The following SLC2A5 variants were observed in gnomAD, a reference collection of about 807,000 sequenced individuals.
SLC2A5 encodes the protein solute carrier family 2 member 5, also known as solute carrier family 2, facilitated glucose transporter member 5.
A neutral mutation model predicts 50.3 loss-of-function variants in SLC2A5; 56 were observed. That is an observed-to-expected ratio of 1.11 (90% CI 0.90 to 1.39). SLC2A5 has a LOEUF of 1.39. SLC2A5 is among the 40% of genes most tolerant of loss of function. The probability of loss-of-function intolerance (pLI) is 0.00; values close to 1 mark genes in which losing one functional copy is unlikely to be tolerated. For synonymous variants in SLC2A5, 269 were observed against 281.9 expected (o/e 0.95, Z 0.46); for missense variants, 566 against 650.1 (o/e 0.87, Z 1.41).
chr1:9,038,923 C>A lies in SLC2A5; in HGVS notation c.1003G>T (p.Val335Leu). The change falls in exon 9 of 12, where the codon GTG becomes TTG. Residue 335 changes from valine to leucine, a missense_variant. Transcript: ENST00000377424. ...AGCCTCCGACCCAGGAGCTCCACCA[C>A]GAACACCTACAGGAGGGTGGCAGGG... is the stretch of plus-strand genomic sequence containing the variant. Reference protein sequence around the residue: ...NVVMTFCAVFVVELLGRRLLL... With the variant: ...NVVMTFCAVFLVELLGRRLLL... 6.2e-7 allele frequency: 1 copy of A among 1,612,380 alleles called. No individual in the cohort carries two copies. The highest frequency in any genetic ancestry group is 8.5e-7 in the Non-Finnish European group (1 of 1,179,788).
chr1:9,079,770 A>AG (rs1642332744), intron 2 of SLC2A5, among the ~76,000 whole-genome samples: 1 of 152,232 alleles, frequency 6.6e-6, no homozygotes, highest in African/African-American at 2.4e-5. Flanking sequence ...TACAGGCGTG[A>AG]GCCACCACGC....
At chr1:9,090,547 T>A (rs1439119465), upstream of SLC2A5, among the ~76,000 whole-genome samples, 2 of 152,318 alleles carry the variant, frequency 1.3e-5, no homozygotes, top group East Asian at 1.9e-4. Flanking sequence ...TTGCGACAAA[T>A]CAACTCCGCT....
intron 1 of SLC2A5, among the ~76,000 whole-genome samples, chr1:9,068,634 T>C (rs985494844): frequency 2.6e-5 from 4 of 152,104 alleles, no homozygotes; most frequent in African/African-American, 9.6e-5. Context: ...GTATTTTTAG[T>C]AGAGATGGGG....
rs188276348 is a variant in SLC2A5, at chr1:9,081,998, C to G, written c.-59+3016G>C. Among the ~76,000 whole-genome samples, 279 of 152,236 alleles carry G rather than the reference C, an allele frequency of 1.8e-3. 2 individuals are homozygous for G. The highest frequency in any genetic ancestry group is 6.2e-3 in the African/African-American group (258 of 41,526). On this transcript the variant is annotated intron_variant, in intron 2 of 5. Transcript: ENST00000464985. Reference sequence around the variant, plus strand: ...TTGGGAGGCCAAGGCACGAGAATTGCTTGAACCCAGGAGGTGGAGGTTGCA... The same window carrying G: ...TTGGGAGGCCAAGGCACGAGAATTGGTTGAACCCAGGAGGTGGAGGTTGCA...
At chr1:9,041,711 G>T (rs1188912347) in intron 5 of SLC2A5, 74 bp downstream of exon 5, 2 of 1,612,802 alleles carry the variant, frequency 1.2e-6, no homozygotes, top group South Asian at 2.2e-5. Context: ...TGTGGTGGTG[G>T]CTTTGGAACA....
At position 9,068,144 on chromosome 1, in the gene SLC2A5, C is replaced by A. The variant is rs138059084; in HGVS notation, c.33+1360G>T. Among the ~76,000 whole-genome samples, 4 of 136,082 alleles carry A rather than the reference C, an allele frequency of 2.9e-5. No homozygotes were observed. In the South Asian group the frequency reaches 9.7e-4, roughly 33 times the overall value. 89.3% of individuals were successfully genotyped at this position (136,082 alleles called of 152,430 possible). A position where few individuals can be genotyped will look rare whatever the true frequency, so the allele number is the denominator to read the frequency against. ...GGTGGAGGTTGCAGTGAACCTTGAT[C>A]GCACCACTGTACTTCAGCCTGGGTG... is the stretch of plus-strand genomic sequence containing the variant. On this transcript the variant is annotated intron_variant, in intron 1 of 11. Coordinates refer to ENST00000377424, the MANE Select transcript of SLC2A5 (RefSeq NM_003039.3).
chr1:9,072,642 G>C (rs188552202), upstream of SLC2A5, among the ~76,000 whole-genome samples: 103 of 152,072 alleles, frequency 6.8e-4, no homozygotes, highest in Middle Eastern at 3.4e-3. Context: ...AAATAGGAGC[G>C]TTTCTGTTAC....
chr1:9,066,477 C>T (rs1435936791), intron 1 of SLC2A5, among the ~76,000 whole-genome samples: 9 of 152,180 alleles, frequency 5.9e-5, no homozygotes, highest in Admixed American at 3.9e-4. Context: ...TCAAGCAATC[C>T]GCTTGCCTCG....
Position 9,040,083 on chromosome 1 carries a change from G to A in SLC2A5, c.678C>T (p.Asp226=). Reference sequence around the variant, plus strand: ...CGTTACCTTTCTTGGCGGCCGCTTCGTCTTTCTTCTGAATCAGCAGGTACC... The same window carrying A: ...CGTTACCTTTCTTGGCGGCCGCTTCATCTTTCTTCTGAATCAGCAGGTACC... ...SPRYLLIQKK[D]EAAAKKALQT... Residue 226 remains aspartate (D), a synonymous_variant, in exon 6 of 12, where the codon GAC becomes GAT. Coordinates refer to ENST00000377424, the MANE Select transcript of SLC2A5 (RefSeq NM_003039.3). The surrounding 1 kb of genome is among the most constrained non-coding windows in gnomAD (Gnocchi z 4.3). 1.3e-6 allele frequency: 2 copies of A among 1,593,956 alleles called. No homozygotes were observed. The highest frequency in any genetic ancestry group is 1.7e-6 in the Non-Finnish European group (2 of 1,169,506).
chr1:9,055,589 C>A (rs1363405075), intron 3 of SLC2A5, among the ~76,000 whole-genome samples: 1 of 151,978 alleles, frequency 6.6e-6, no homozygotes. Context: ...GTGCCTGGCA[C>A]ATAGGAACTC....
intron 3 of SLC2A5, among the ~76,000 whole-genome samples, chr1:9,055,384 GCAT>G (rs1372030432): frequency 2.0e-5 from 3 of 152,028 alleles, no homozygotes; most frequent in Non-Finnish European, 4.4e-5. Flanking sequence ...GGGTGTGGTG[GCAT>G]GCGCCTGTAA....
chr1:9,083,448 A>G (rs183119526), intron 2 of SLC2A5, among the ~76,000 whole-genome samples: 17 of 152,354 alleles, frequency 1.1e-4, no homozygotes, highest in African/African-American at 4.1e-4. Flanking sequence ...ATGTGGGCCA[A>G]GCTGGCTAAG....
At chr1:9,047,461 G>A in intron 4 of SLC2A5, 149 bp downstream of exon 4, 1 of 709,454 alleles carries the variant, frequency 1.4e-6, no homozygotes, top group Non-Finnish European at 2.3e-6. Flanking sequence ...TGAGAACCAG[G>A]TAGGGCTCAA....
chr1:9,064,565 C>G (rs911761641), intron 1 of SLC2A5, among the ~76,000 whole-genome samples: 1 of 152,108 alleles, frequency 6.6e-6, no homozygotes, highest in Non-Finnish European at 1.5e-5. Flanking sequence ...AGAAAAGAAA[C>G]TTTTTGGGGG....
intron 3 of SLC2A5, among the ~76,000 whole-genome samples, chr1:9,055,198 G>C (rs1641717992): frequency 6.6e-6 from 1 of 151,998 alleles, no homozygotes; most frequent in South Asian, 2.1e-4. Context: ...GTGTCTCTCT[G>C]TGCACCATTT....
chr1:9,050,595 T>C (rs907773585), intron 3 of SLC2A5, among the ~76,000 whole-genome samples: 1 of 151,898 alleles, frequency 6.6e-6, no homozygotes, highest in African/African-American at 2.4e-5. Flanking sequence ...AAATATAAAA[T>C]GCAAAACTAT....
chr1:9,076,157 T>C lies in SLC2A5; in HGVS notation c.-58-6563A>G, dbSNP rs1642279646. 2.0e-5 allele frequency among the ~76,000 whole-genome samples: 3 copies of C among 151,992 alleles called. No individual in the cohort carries two copies. In the South Asian group the frequency reaches 6.2e-4, roughly 32 times the overall value. On this transcript the variant is annotated intron_variant, in intron 2 of 5. Transcript: ENST00000464985. ...TTTTAGTAGAGGCGGGGTTTCGCCATGTTGGCCAGGCTGTTCTAGAACTCC... is the reference window on the plus strand; with the variant it reads ...TTTTAGTAGAGGCGGGGTTTCGCCACGTTGGCCAGGCTGTTCTAGAACTCC...
chr1:9,089,877 G>A (rs1642444633), upstream of SLC2A5, among the ~76,000 whole-genome samples: 1 of 152,190 alleles, frequency 6.6e-6, no homozygotes, highest in Non-Finnish European at 1.5e-5. Context: ...GGGTCCCTGG[G>A]ATTCTTCACC....
At chr1:9,064,683 C>G (rs928971863) in intron 1 of SLC2A5, among the ~76,000 whole-genome samples, 2 of 152,302 alleles carry the variant, frequency 1.3e-5, no homozygotes, top group East Asian at 1.9e-4. Context: ...GGACTCTACA[C>G]TGAGTGTTGC....
Sources: gnomAD v4.1 joint callset for allele counts (sites outside exome capture counted in the v4.1 genomes callset) on GRCh38, gnomAD v4.1.1 for gene constraint, Gnocchi (gnomAD v3.1) non-coding constraint, MANE v1.5 for transcripts, NCBI Gene and HGNC (gene_info 2026-07-23, HGNC 2026-07-21) for gene names.